Variants in NKAIN2 observed in about 807,000 individuals in gnomAD.
The protein encoded by NKAIN2 is sodium/potassium transporting ATPase interacting 2.
In NKAIN2, 14 loss-of-function variants were observed where a neutral mutation model predicts 32.6. The observed-to-expected ratio is 0.43, with a 90% confidence interval of 0.28 to 0.67. The LOEUF is 0.67. Ranked by LOEUF, NKAIN2 falls within the 30% of genes least tolerant of loss-of-function variation. The pLI is 0.17. For missense variants in NKAIN2, 198 were observed against 258.3 expected (o/e 0.77, Z 1.60); for synonymous variants, 80 against 87.2 (o/e 0.92, Z 0.46).
intron 1 of NKAIN2, among the ~76,000 whole-genome samples, chr6:124,021,713 CATATAGACATAGATAT>C (rs1780874476): frequency 6.6e-6 from 1 of 151,822 alleles, no homozygotes; most frequent in Non-Finnish European, 1.5e-5. Context: ...TATATCTATA[CATATAGACATAGATAT>C]ATATAGACAT....
chr6:124,560,349 G>T (rs897470064), intron 3 of NKAIN2, among the ~76,000 whole-genome samples: 5 of 152,174 alleles, frequency 3.3e-5, no homozygotes, highest in African/African-American at 1.2e-4. Flanking sequence ...CTTCTGCCAT[G>T]ATTGTAAGTT....
intron 1 of NKAIN2, among the ~76,000 whole-genome samples, chr6:124,129,757 A>G (rs1786360738): frequency 6.6e-6 from 1 of 152,048 alleles, no homozygotes; most frequent in Non-Finnish European, 1.5e-5. Context: ...AGCTGGGATT[A>G]CAGGTGCACG....
intron 3 of NKAIN2, among the ~76,000 whole-genome samples, chr6:124,542,799 T>C (rs1017233810): frequency 5.9e-5 from 9 of 152,132 alleles, no homozygotes; most frequent in Non-Finnish European, 1.3e-4. Flanking sequence ...CAATAGTTAC[T>C]AAAATTTGCA....
At chr6:124,193,515 G>C (rs1253796561) in intron 1 of NKAIN2, among the ~76,000 whole-genome samples, 2 of 152,210 alleles carry the variant, frequency 1.3e-5, no homozygotes, top group African/African-American at 4.8e-5. Flanking sequence ...AGAGCCCTAA[G>C]GAAGGAGTCA....
At chr6:124,761,661 T>C (rs904604645) in intron 4 of NKAIN2, among the ~76,000 whole-genome samples, 3 of 152,224 alleles carry the variant, frequency 2.0e-5, no homozygotes, top group African/African-American at 7.2e-5. Flanking sequence ...CTTACTACGT[T>C]TTCTTTGACA....
At chr6:124,558,930 C>T (rs1196527699) in intron 3 of NKAIN2, among the ~76,000 whole-genome samples, 2 of 150,294 alleles carry the variant, frequency 1.3e-5, no homozygotes, top group African/African-American at 4.9e-5. Flanking sequence ...GCTTGGGCAA[C>T]AGGAGTGAAA....
At chr6:124,046,537 C>T (rs1475964641) in intron 1 of NKAIN2, among the ~76,000 whole-genome samples, 1 of 151,894 alleles carries the variant, frequency 6.6e-6, no homozygotes, top group Non-Finnish European at 1.5e-5. Context: ...CTGTATAAGC[C>T]TTTTTAACAT....
intron 1 of NKAIN2, among the ~76,000 whole-genome samples, chr6:123,989,393 T>A (rs1029983001): frequency 1.3e-5 from 2 of 152,228 alleles, no homozygotes; most frequent in Admixed American, 1.3e-4. Context: ...GACATTGTTA[T>A]AATGGAAAGA....
chr6:123,931,257 C>T (rs1358143065), intron 1 of NKAIN2, among the ~76,000 whole-genome samples: 1 of 151,988 alleles, frequency 6.6e-6, no homozygotes, highest in African/African-American at 2.4e-5. Flanking sequence ...TTTCTCTCTC[C>T]TGCTGGTCTT....
intron 3 of NKAIN2, among the ~76,000 whole-genome samples, chr6:124,559,701 C>T (rs1210418790): frequency 1.3e-5 from 2 of 152,092 alleles, no homozygotes; most frequent in African/African-American, 4.8e-5. Flanking sequence ...TTTTTTCCTC[C>T]TTCTATCATG....
At position 124,214,795 on chromosome 6, in the gene NKAIN2, A is replaced by G. The variant is rs550269800; in HGVS notation, c.55-68210A>G. ...GAATACATTTTAAAAATCATTTGAAAGTCTTTTCAAAGAATGATCTTATCT... is the reference window on the plus strand; with the variant it reads ...GAATACATTTTAAAAATCATTTGAAGGTCTTTTCAAAGAATGATCTTATCT... On this transcript the variant is annotated intron_variant, in intron 1 of 6. Coordinates refer to ENST00000368417, the MANE Select transcript of NKAIN2 (RefSeq NM_001040214.3). 2.6e-5 allele frequency among the ~76,000 whole-genome samples: 4 copies of G among 152,332 alleles called. No individual in the cohort carries two copies. The South Asian group carries it at 8.3e-4, about 32-fold the overall frequency.
intron 4 of NKAIN2, among the ~76,000 whole-genome samples, chr6:124,682,044 T>G (rs1443424731): frequency 1.3e-5 from 2 of 151,996 alleles, no homozygotes; most frequent in Non-Finnish European, 2.9e-5. Context: ...AATGTACATA[T>G]TTTTCAAAGA....
intron 4 of NKAIN2, among the ~76,000 whole-genome samples, chr6:124,767,200 TTC>T (rs1778553382): frequency 1.3e-5 from 2 of 152,056 alleles, no homozygotes; most frequent in Non-Finnish European, 2.9e-5. Context: ...GGCCCTATTT[TTC>T]TCTTTCTTAG....
At chr6:124,750,646 G>C (rs1777670400) in intron 4 of NKAIN2, among the ~76,000 whole-genome samples, 1 of 151,858 alleles carries the variant, frequency 6.6e-6, no homozygotes, top group African/African-American at 2.4e-5. Flanking sequence ...TTCTGGCTGT[G>C]TTGTTTTGTC....
chr6:124,633,800 C>T (rs998180749), intron 3 of NKAIN2, among the ~76,000 whole-genome samples: 1 of 152,192 alleles, frequency 6.6e-6, no homozygotes, highest in Non-Finnish European at 1.5e-5. Context: ...AGGACCAGTC[C>T]TCTGAGGGCC....
chr6:123,955,955 G>A (rs1178671442), intron 1 of NKAIN2, among the ~76,000 whole-genome samples: 1 of 152,090 alleles, frequency 6.6e-6, no homozygotes, highest in African/African-American at 2.4e-5. Flanking sequence ...TTTAAAAGCA[G>A]TATTTCATTC....
intron 4 of NKAIN2, among the ~76,000 whole-genome samples, chr6:124,784,658 G>A (rs1294350003): frequency 3.3e-5 from 5 of 152,020 alleles, no homozygotes; most frequent in African/African-American, 1.2e-4. Context: ...CGCCCACTTT[G>A]GGGCGTTATG....
chr6:124,328,077 A>C (rs537969952), intron 2 of NKAIN2, among the ~76,000 whole-genome samples: 24 of 152,300 alleles, frequency 1.6e-4, no homozygotes, highest in African/African-American at 5.5e-4. Context: ...AAGAACAGGA[A>C]AGGAACAAAA....
At position 123,812,044 on chromosome 6, in the gene NKAIN2, C is replaced by T. The variant is rs75543414; in HGVS notation, c.54+7790C>T. On this transcript the variant is annotated intron_variant, in intron 1 of 6. Coordinates refer to ENST00000368417, the MANE Select transcript of NKAIN2 (RefSeq NM_001040214.3). ...CTACTGAGCAAGAACTCTTATGCCC[C>T]CCACCGCCCCCACCCTCAAGGGTCA... Among the ~76,000 whole-genome samples, 242 of 152,178 alleles carry T rather than the reference C, an allele frequency of 1.6e-3. 3 individuals are homozygous for T. In the East Asian group the frequency reaches 0.034, roughly 22 times the overall value.
Sources: gnomAD v4.1 joint callset for allele counts (sites outside exome capture counted in the v4.1 genomes callset) on GRCh38, gnomAD v4.1.1 for gene constraint, MANE v1.5 for transcripts, NCBI Gene and HGNC (gene_info 2026-07-23, HGNC 2026-07-21) for gene names.